The following GRID2 variants were observed in gnomAD, a reference collection of about 807,000 sequenced individuals.
The protein encoded by GRID2 is glutamate receptor ionotropic, delta-2.
A neutral mutation model predicts 114.8 loss-of-function variants in GRID2; 33 were observed. The ratio of observed to expected loss-of-function variants is 0.29; its 90% CI spans 0.22 to 0.38. The LOEUF is 0.38. Among genes scored for constraint, GRID2 ranks in the 10% least tolerant of loss-of-function variants. GRID2 has a pLI of 1.00. For missense variants in GRID2, 1,184 were observed against 1,257.7 expected (o/e 0.94, Z 0.89); for synonymous variants, 505 against 449.9 (o/e 1.12, Z -1.55).
At chr4:93,647,659 C>G (rs1053179123) in intron 14 of GRID2, among the ~76,000 whole-genome samples, 8 of 152,046 alleles carry the variant, frequency 5.3e-5, no homozygotes, top group African/African-American at 1.9e-4. Context: ...ACAGGTTTAC[C>G]ACGGACTGAG....
chr4:92,414,079 T>C lies in GRID2; in HGVS notation c.88+109335T>C, dbSNP rs1731471402. 2.0e-5 allele frequency among the ~76,000 whole-genome samples: 3 copies of C among 152,140 alleles called. No individual in the cohort carries two copies. In the South Asian group the frequency reaches 6.2e-4, roughly 31 times the overall value. ...AGTTGCAGCTTTGCACTGACAATGG[T>C]GATACATAATAAAGTCTTGGCATCA... On this transcript the variant is annotated intron_variant, in intron 1 of 15. Coordinates refer to ENST00000282020, the MANE Select transcript of GRID2 (RefSeq NM_001510.4).
At chr4:92,334,710 A>G (rs1408660273) in intron 1 of GRID2, among the ~76,000 whole-genome samples, 1 of 152,174 alleles carries the variant, frequency 6.6e-6, no homozygotes, top group Non-Finnish European at 1.5e-5. Flanking sequence ...ACTCAACACT[A>G]CTACAATGGG....
chr4:93,539,805 T>TG lies in GRID2; in HGVS notation c.2193+24394_2193+24395insG, dbSNP rs1553949659. On this transcript the variant is annotated intron_variant, in intron 13 of 15. Coordinates refer to ENST00000282020, the MANE Select transcript of GRID2 (RefSeq NM_001510.4). ...GTCAGAAATATGTCTGATGGGTTTT[T>TG]TTTGTTTGTTTGTTTGTGTGCTCTG... 1.1e-4 allele frequency among the ~76,000 whole-genome samples: 16 copies of TG among 152,098 alleles called. No individual in the cohort carries two copies. The South Asian group carries it at 1.7e-3, about 16-fold the overall frequency.
chr4:92,391,375 A>T (rs1392287867), intron 1 of GRID2, among the ~76,000 whole-genome samples: 1 of 152,186 alleles, frequency 6.6e-6, no homozygotes, highest in Non-Finnish European at 1.5e-5. Flanking sequence ...ATTAAAAGTC[A>T]TAATATATGT....
chr4:92,654,461 G>T (rs1448724797), intron 2 of GRID2, among the ~76,000 whole-genome samples: 4 of 152,086 alleles, frequency 2.6e-5, no homozygotes, highest in Non-Finnish European at 4.4e-5. Context: ...TCAAACTCAT[G>T]AGTGGCATTA....
chr4:93,343,697 G>C (rs1039294970), intron 8 of GRID2, among the ~76,000 whole-genome samples: 2 of 151,924 alleles, frequency 1.3e-5, no homozygotes, highest in Non-Finnish European at 2.9e-5. Flanking sequence ...TAAATGTTTG[G>C]TAGATTTGGG....
At chr4:92,497,393 G>C (rs754875868) in intron 1 of GRID2, among the ~76,000 whole-genome samples, 26 of 151,798 alleles carry the variant, frequency 1.7e-4, no homozygotes, top group Non-Finnish European at 3.4e-4. Context: ...TCTGAAAGAA[G>C]GTCTGTGAAA....
chr4:93,106,718 G>A (rs1265452500), intron 3 of GRID2, among the ~76,000 whole-genome samples: 1 of 151,534 alleles, frequency 6.6e-6, no homozygotes, highest in African/African-American at 2.4e-5. Context: ...ACATATCATG[G>A]GTATTTGGTG....
At chr4:93,555,895 G>C (rs897709670) in intron 13 of GRID2, among the ~76,000 whole-genome samples, 2 of 152,194 alleles carry the variant, frequency 1.3e-5, no homozygotes, top group African/African-American at 4.8e-5. Flanking sequence ...CTGGGACAAA[G>C]CTTCCAGAGG....
chr4:93,212,930 G>C (rs1296261628), intron 5 of GRID2, among the ~76,000 whole-genome samples: 1 of 151,842 alleles, frequency 6.6e-6, no homozygotes, highest in South Asian at 2.1e-4. Context: ...GTGCCACCAC[G>C]CCTGGCTAAT....
intron 1 of GRID2, among the ~76,000 whole-genome samples, chr4:92,458,948 G>A (rs1295797858): frequency 6.6e-6 from 1 of 152,124 alleles, no homozygotes; most frequent in Non-Finnish European, 1.5e-5. Context: ...TCCCACAACA[G>A]GAGATGAATG....
At chr4:93,316,291 C>CGAAAGAACGAAAGAACGAAAGAAAGAAA (rs1282459325) in intron 8 of GRID2, among the ~76,000 whole-genome samples, 22 of 77,172 alleles carry the variant, frequency 2.9e-4, no homozygotes, top group South Asian at 4.8e-4. Flanking sequence ...AACGAAAGAA[C>CGAAAGAACGAAAGAACGAAAGAAAGAAA]GAAAGAAAGA....
At chr4:92,920,548 G>A (rs1320418068) in intron 2 of GRID2, among the ~76,000 whole-genome samples, 1 of 152,116 alleles carries the variant, frequency 6.6e-6, no homozygotes, top group Non-Finnish European at 1.5e-5. Flanking sequence ...GCCTGGTGTT[G>A]ACAAAATCTC....
At chr4:92,636,817 G>T (rs2149250229) in intron 2 of GRID2, among the ~76,000 whole-genome samples, 1 of 152,072 alleles carries the variant, frequency 6.6e-6, no homozygotes, top group East Asian at 1.9e-4. Flanking sequence ...AATATAACCT[G>T]ACTGGGCTTA....
intron 4 of GRID2, among the ~76,000 whole-genome samples, chr4:93,129,346 G>GTT (rs202131242): frequency 2.6e-5 from 4 of 151,768 alleles, no homozygotes; most frequent in African/African-American, 9.7e-5. Context: ...TTGAAATACT[G>GTT]TTTTTTTTGT....
At chr4:92,496,067 GATT>G (rs1332138664) in intron 1 of GRID2, among the ~76,000 whole-genome samples, 1 of 151,868 alleles carries the variant, frequency 6.6e-6, no homozygotes, top group Non-Finnish European at 1.5e-5. Context: ...ATTCTGCACT[GATT>G]ATTATTTTCA....
At position 92,769,954 on chromosome 4, in the gene GRID2, A is replaced by G. The variant is rs1738458385; in HGVS notation, c.244+179668A>G. The stretch of plus-strand genomic sequence containing the variant: ...CATTTGGCTTCTCATTACTTATGCA[A>G]ATTTCTGCAGCTGGCTTGAATTTCT... On this transcript the variant is annotated intron_variant, in intron 2 of 15. Coordinates refer to ENST00000282020, the MANE Select transcript of GRID2 (RefSeq NM_001510.4). Among the ~76,000 whole-genome samples, 3 of 152,268 alleles carry G rather than the reference A, an allele frequency of 2.0e-5. 1 individual carries two copies. In the South Asian group the frequency reaches 6.2e-4, roughly 32 times the overall value.
intron 14 of GRID2, among the ~76,000 whole-genome samples, chr4:93,662,133 AT>A (rs906840571): frequency 5.3e-5 from 8 of 149,894 alleles, no homozygotes; most frequent in South Asian, 4.3e-4. Context: ...AAGCTCTTGG[AT>A]TTTTTTTTTC....
At chr4:93,168,767 T>C (rs1224213808) in intron 4 of GRID2, among the ~76,000 whole-genome samples, 3 of 149,796 alleles carry the variant, frequency 2.0e-5, no homozygotes, top group Non-Finnish European at 4.4e-5. Flanking sequence ...TGAAAGCTAT[T>C]ACATATATAA....
Sources: allele counts gnomAD v4.1 joint callset (sites outside exome capture counted in the v4.1 genomes callset), GRCh38; gene constraint gnomAD v4.1.1; transcripts MANE v1.5; gene names NCBI Gene and HGNC (gene_info 2026-07-23, HGNC 2026-07-21).